The following ELMO1 variants were observed in gnomAD, a reference collection of about 807,000 sequenced individuals.
The protein encoded by ELMO1 is engulfment and cell motility protein 1.
A neutral mutation model predicts 98.9 loss-of-function variants in ELMO1; 26 were observed. The ratio of observed to expected loss-of-function variants is 0.26; its 90% confidence interval spans 0.19 to 0.36. ELMO1 has a LOEUF of 0.36. Ranked by LOEUF, ELMO1 falls within the 10% of genes least tolerant of loss-of-function variation. The pLI is 1.00. For missense variants in ELMO1, 627 were observed against 935.2 expected (o/e 0.67, Z 4.30); for synonymous variants, 346 against 346.0 (o/e 1.00, Z 0.00).
At chr7:36,955,650 C>CA (rs1554369924) in intron 16 of ELMO1, among the ~76,000 whole-genome samples, 1 of 152,164 alleles carries the variant, frequency 6.6e-6, no homozygotes, top group Non-Finnish European at 1.5e-5. Context: ...CCAGGAAACT[C>CA]AGAGTCTTTT....
intron 16 of ELMO1, among the ~76,000 whole-genome samples, chr7:36,987,500 C>T (rs149898982): frequency 1.6e-4 from 24 of 152,256 alleles, no homozygotes; most frequent in Middle Eastern, 3.4e-3. Context: ...TCGTCATCTG[C>T]CTTGGCATCA....
At chr7:37,002,586 A>G (rs1409739872) in intron 16 of ELMO1, among the ~76,000 whole-genome samples, 1 of 152,242 alleles carries the variant, frequency 6.6e-6, no homozygotes, top group Admixed American at 6.5e-5. Context: ...CAGCTCTATG[A>G]CAGCAGGAAC....
intron 16 of ELMO1, among the ~76,000 whole-genome samples, chr7:37,009,447 G>A (rs937757469): frequency 6.6e-5 from 10 of 152,150 alleles, no homozygotes; most frequent in Admixed American, 2.6e-4. Flanking sequence ...TCCCAAGCCC[G>A]GAAGAGCAGA....
At chr7:37,032,024 C>A (rs1794911445) in intron 15 of ELMO1, among the ~76,000 whole-genome samples, 1 of 152,126 alleles carries the variant, frequency 6.6e-6, no homozygotes, top group Admixed American at 6.6e-5. Context: ...CGCGCCCTTC[C>A]AGATTTAAAA....
At chr7:37,212,916 C>T (rs1793060342) in intron 12 of ELMO1, among the ~76,000 whole-genome samples, 1 of 152,052 alleles carries the variant, frequency 6.6e-6, no homozygotes, top group African/African-American at 2.4e-5. Context: ...AATCTGGGAC[C>T]CTGCTCTTGG....
intron 1 of ELMO1, among the ~76,000 whole-genome samples, chr7:37,361,064 A>T (rs1801681034): frequency 6.6e-6 from 1 of 152,246 alleles, no homozygotes; most frequent in African/African-American, 2.4e-5. Flanking sequence ...CATTGCTGAT[A>T]AATAGTAAGA....
At chr7:37,193,587 G>T (rs1442595139) in intron 13 of ELMO1, among the ~76,000 whole-genome samples, 1 of 152,046 alleles carries the variant, frequency 6.6e-6, no homozygotes, top group Non-Finnish European at 1.5e-5. Context: ...TTGGTAACCG[G>T]CAGCCTTCCG....
intron 1 of ELMO1, among the ~76,000 whole-genome samples, chr7:37,375,001 G>A (rs1440207002): frequency 2.0e-5 from 3 of 152,214 alleles, no homozygotes; most frequent in East Asian, 3.9e-4. Flanking sequence ...GGAGGTTGCG[G>A]TGGGCTGAGA....
chr7:37,308,402 T>C (rs1472999929), intron 4 of ELMO1, among the ~76,000 whole-genome samples: 2 of 152,160 alleles, frequency 1.3e-5, no homozygotes, highest in African/African-American at 4.8e-5. Flanking sequence ...ATCTGGATGG[T>C]CCTACGCTGG....
intron 6 of ELMO1, among the ~76,000 whole-genome samples, chr7:37,254,115 A>T (rs1487761605): frequency 6.6e-6 from 1 of 152,214 alleles, no homozygotes; most frequent in African/African-American, 2.4e-5. Context: ...TCTGAGCATG[A>T]GATGCAGGAC....
Position 37,233,043 on chromosome 7 carries a change from A to G in ELMO1, c.549+52T>C, listed in dbSNP as rs764430460. 6 of 1,446,292 alleles carry G rather than the reference A, an allele frequency of 4.1e-6. No homozygotes were observed. The Admixed American group carries it at 1.2e-4, about 30-fold the overall frequency. 89.6% of individuals were successfully genotyped at this position (1,446,292 alleles called of 1,614,324 possible). A position where few individuals can be genotyped will look rare whatever the true frequency, so the allele number is the denominator to read the frequency against. ...AAACATCCTCAAAGCAGAGAAAAATAGCTATGACAGAAGACAGTAAGGAAA... is the reference window on the plus strand; with the variant it reads ...AAACATCCTCAAAGCAGAGAAAAATGGCTATGACAGAAGACAGTAAGGAAA... On this transcript the variant is annotated intron_variant, in intron 8 of 21. Transcript: ENST00000310758.
At chr7:37,372,737 C>T (rs1469987947) in intron 1 of ELMO1, among the ~76,000 whole-genome samples, 8 of 152,268 alleles carry the variant, frequency 5.3e-5, no homozygotes, top group African/African-American at 1.7e-4. Context: ...CTGCCAGTCC[C>T]TTCAGTCTAG....
intron 2 of ELMO1, among the ~76,000 whole-genome samples, chr7:37,329,087 G>A (rs546152030): frequency 9.9e-5 from 15 of 152,232 alleles, no homozygotes; most frequent in African/African-American, 3.6e-4. Flanking sequence ...GTGCTATCTG[G>A]ATTTCCGAAG....
At chr7:36,875,399 C>T (rs1742273181) in intron 19 of ELMO1, among the ~76,000 whole-genome samples, 1 of 152,232 alleles carries the variant, frequency 6.6e-6, no homozygotes, top group African/African-American at 2.4e-5. Flanking sequence ...CTCTCTCACA[C>T]ACACACTCTC....
chr7:36,942,401 A>G (rs545913330), intron 16 of ELMO1, among the ~76,000 whole-genome samples: 2 of 152,330 alleles, frequency 1.3e-5, no homozygotes, highest in African/African-American at 4.8e-5. Context: ...GCATGTCAAC[A>G]ATGCTTAAAA....
chr7:36,976,889 T>G (rs1423757682), intron 16 of ELMO1, among the ~76,000 whole-genome samples: 2 of 152,240 alleles, frequency 1.3e-5, no homozygotes, highest in Non-Finnish European at 2.9e-5. Flanking sequence ...TGAAGATTAC[T>G]TTTCCAGTGT....
intron 15 of ELMO1, among the ~76,000 whole-genome samples, chr7:37,084,913 T>C (rs1435398774): frequency 6.6e-6 from 1 of 152,120 alleles, no homozygotes; most frequent in African/African-American, 2.4e-5. Flanking sequence ...CCCACCAGCA[T>C]ACCTGGCTAA....
At chr7:37,370,176 C>G (rs1360225876) in intron 1 of ELMO1, among the ~76,000 whole-genome samples, 1 of 152,136 alleles carries the variant, frequency 6.6e-6, no homozygotes, top group Non-Finnish European at 1.5e-5. Flanking sequence ...ATAATAAGAC[C>G]TTTGTTCACA....
chr7:37,169,566 T>C (rs1196025275), intron 13 of ELMO1, among the ~76,000 whole-genome samples: 1 of 152,256 alleles, frequency 6.6e-6, no homozygotes, highest in Non-Finnish European at 1.5e-5. Context: ...AAAAAATGTA[T>C]TGTTAAGATT....
Sources: allele counts gnomAD v4.1 joint callset (sites outside exome capture counted in the v4.1 genomes callset), GRCh38; gene constraint gnomAD v4.1.1; transcripts MANE v1.5; gene names NCBI Gene and HGNC (gene_info 2026-07-23, HGNC 2026-07-21).